The following ROBO2 variants were observed in gnomAD, a reference collection of about 807,000 sequenced individuals.
The protein encoded by ROBO2 is roundabout guidance receptor 2.
In ROBO2, 53 loss-of-function variants were observed where a neutral mutation model predicts 160.8. That is an observed-to-expected ratio of 0.33 (90% CI 0.26 to 0.41). The LOEUF is 0.41. Ranked by LOEUF, ROBO2 falls within the 10% of genes least tolerant of loss-of-function variation. The pLI is 1.00. For missense variants in ROBO2, 1,577 were observed against 1,722.4 expected (o/e 0.92, Z 1.49); for synonymous variants, 664 against 611.7 (o/e 1.09, Z -1.26).
chr3:77,408,730 A>G (rs937779511), intron 2 of ROBO2, among the ~76,000 whole-genome samples: 1 of 151,572 alleles, frequency 6.6e-6, no homozygotes, highest in Non-Finnish European at 1.5e-5. Flanking sequence ...CTGTTTTATT[A>G]TTTTTTTAGA....
At chr3:75,972,465 A>C (rs748832383) in intron 2 of ROBO2, among the ~76,000 whole-genome samples, 1 of 151,660 alleles carries the variant, frequency 6.6e-6, no homozygotes, top group Non-Finnish European at 1.5e-5. Flanking sequence ...AATTCTGGAA[A>C]ATGGATGGCA....
intron 2 of ROBO2, among the ~76,000 whole-genome samples, chr3:76,835,569 A>G (rs116451019): frequency 0.023 from 3,489 of 151,642 alleles, 128 homozygotes; most frequent in African/African-American, 0.079. Flanking sequence ...TCGTTGATAC[A>G]TATGTTAAGT....
At chr3:76,629,390 ATGG>A (rs551245359) in intron 2 of ROBO2, among the ~76,000 whole-genome samples, 71 of 152,272 alleles carry the variant, frequency 4.7e-4, no homozygotes, top group Middle Eastern at 6.8e-3. Flanking sequence ...TAATCACAAG[ATGG>A]GGTCCCACAA....
intron 2 of ROBO2, among the ~76,000 whole-genome samples, chr3:77,122,470 C>T (rs1014523824): frequency 2.6e-5 from 4 of 152,154 alleles, no homozygotes; most frequent in Non-Finnish European, 5.9e-5. Flanking sequence ...ATTTAGCCGT[C>T]GCTGCCCCTT....
At chr3:76,813,128 G>A (rs548440468) in intron 2 of ROBO2, among the ~76,000 whole-genome samples, 1 of 151,952 alleles carries the variant, frequency 6.6e-6, no homozygotes, top group South Asian at 2.1e-4. Flanking sequence ...TTTAAGTACA[G>A]TCATAGCTCA....
At chr3:76,703,433 G>A (rs1347620240) in intron 2 of ROBO2, among the ~76,000 whole-genome samples, 1 of 152,076 alleles carries the variant, frequency 6.6e-6, no homozygotes, top group Non-Finnish European at 1.5e-5. Flanking sequence ...TGTTACATAA[G>A]TATACACGTA....
intron 2 of ROBO2, among the ~76,000 whole-genome samples, chr3:76,237,567 T>TAAA (rs1559672490): frequency 6.6e-6 from 1 of 152,106 alleles, no homozygotes; most frequent in Non-Finnish European, 1.5e-5. Context: ...AGGAATGACT[T>TAAA]AAAAAAGAAG....
At chr3:77,021,609 A>G (rs1010240607) in intron 2 of ROBO2, among the ~76,000 whole-genome samples, 5 of 151,908 alleles carry the variant, frequency 3.3e-5, no homozygotes, top group African/African-American at 4.8e-5. Context: ...ATCTGAACAA[A>G]TGTATCTTGT....
chr3:76,029,287 A>C (rs1428352018), intron 2 of ROBO2, among the ~76,000 whole-genome samples: 1 of 152,088 alleles, frequency 6.6e-6, no homozygotes, highest in African/African-American at 2.4e-5. Flanking sequence ...TGTGTTTAAT[A>C]AGTGTTCAGA....
intron 2 of ROBO2, among the ~76,000 whole-genome samples, chr3:76,289,823 G>T (rs1307136202): frequency 6.6e-6 from 1 of 152,076 alleles, no homozygotes; most frequent in East Asian, 1.9e-4. Flanking sequence ...TTATGTCTGG[G>T]TTCTCTAACT....
At chr3:76,989,494 A>T (rs2060553606) in intron 2 of ROBO2, among the ~76,000 whole-genome samples, 1 of 152,124 alleles carries the variant, frequency 6.6e-6, no homozygotes, top group Non-Finnish European at 1.5e-5. Flanking sequence ...TAAACTTCTA[A>T]GTTTAAAAAA....
intron 2 of ROBO2, among the ~76,000 whole-genome samples, chr3:76,346,339 GCAA>G (rs1053388323): frequency 4.0e-5 from 6 of 151,522 alleles, no homozygotes; most frequent in African/African-American, 9.7e-5. Context: ...GCTCCGCCTG[GCAA>G]CAACAACAAC....
At chr3:76,360,233 G>A (rs1806671) in intron 2 of ROBO2, among the ~76,000 whole-genome samples, 8 of 151,562 alleles carry the variant, frequency 5.3e-5, no homozygotes, top group Non-Finnish European at 1.0e-4. Context: ...ATCTCTTTTC[G>A]GTTTTCCAGC....
At chr3:77,197,213 T>G in intron 2 of ROBO2, among the ~76,000 whole-genome samples, 1 of 152,180 alleles carries the variant, frequency 6.6e-6, no homozygotes, top group Admixed American at 6.5e-5. Flanking sequence ...AAAGCTGAAA[T>G]TTCACACCTT....
At chr3:77,220,686 C>A (rs1247657400) in intron 2 of ROBO2, among the ~76,000 whole-genome samples, 1 of 152,048 alleles carries the variant, frequency 6.6e-6, no homozygotes, top group African/African-American at 2.4e-5. Context: ...TACTTAAAAT[C>A]ATGTAAGTTA....
At chr3:76,987,738 A>G (rs1167032754) in intron 2 of ROBO2, among the ~76,000 whole-genome samples, 1 of 152,154 alleles carries the variant, frequency 6.6e-6, no homozygotes, top group Non-Finnish European at 1.5e-5. Flanking sequence ...GATTTTTTGT[A>G]CCACCACTGA....
chr3:76,109,537 T>C (rs939388708), intron 2 of ROBO2, among the ~76,000 whole-genome samples: 1 of 152,090 alleles, frequency 6.6e-6, no homozygotes, highest in Non-Finnish European at 1.5e-5. Flanking sequence ...ACTCCACACG[T>C]AATCATTTAC....
intron 2 of ROBO2, among the ~76,000 whole-genome samples, chr3:77,230,856 G>A (rs1057057583): frequency 2.0e-5 from 3 of 152,076 alleles, no homozygotes; most frequent in Non-Finnish European, 4.4e-5. Flanking sequence ...ACTCTTTTGC[G>A]ATCTTTTTAT....
At position 76,545,362 on chromosome 3, in the gene ROBO2, G is replaced by A. The variant is rs1011276210; in HGVS notation, c.110-552652G>A. On this transcript the variant is annotated intron_variant, in intron 2 of 26. Transcript: ENST00000487694. ...TTCTTAACATTGCATACCTACTGTC[G>A]GTTAAGTCATCACCTAGAAGTTTTG... Among the ~76,000 whole-genome samples the A allele has an allele frequency of 2.6e-5, 4 of 151,772 alleles. No homozygotes were observed. In the East Asian group the frequency reaches 5.8e-4, roughly 22 times the overall value.
Sources: allele counts gnomAD v4.1 joint callset (sites outside exome capture counted in the v4.1 genomes callset), GRCh38; gene constraint gnomAD v4.1.1; transcripts MANE v1.5; gene names NCBI Gene and HGNC (gene_info 2026-07-23, HGNC 2026-07-21).